Variants in STX6 observed in about 807,000 individuals in gnomAD.
STX6 encodes the protein syntaxin-6.
In STX6, 23 loss-of-function variants were observed where a neutral mutation model predicts 38.0. The observed-to-expected ratio is 0.60, with a 90% CI of 0.43 to 0.86. The LOEUF (loss-of-function observed/expected upper bound fraction) is 0.86, where lower values mean the gene tolerates loss of function less well. Among genes scored for constraint, STX6 ranks in the 40% least tolerant of loss-of-function variants. STX6 has a pLI of 0.00. For missense variants in STX6, 274 were observed against 312.9 expected (o/e 0.88, Z 0.94); for synonymous variants, 123 against 107.5 (o/e 1.14, Z -0.89).
intron 7 of STX6, among the ~76,000 whole-genome samples, chr1:180,983,584 A>C (rs1301623952): frequency 6.6e-6 from 1 of 152,254 alleles, no homozygotes; most frequent in Non-Finnish European, 1.5e-5. Flanking sequence ...TGATTTAAAC[A>C]TAACAATTTA....
Position 181,022,869 on chromosome 1 carries a change from T to A in STX6, c.-196A>T. On this transcript the variant is annotated 5_prime_UTR_variant, in exon 1 of 8. Coordinates refer to ENST00000258301, the MANE Select transcript of STX6 (RefSeq NM_005819.6). ...CACTCGCTCAGCACCACTGGCCGAA[T>A]CCCGGACTCGGGCGCCGGCCCCCTC... 1 of 552,558 alleles carries A rather than the reference T, an allele frequency of 1.8e-6. No homozygotes were observed. Among genetic ancestry groups the A allele is most frequent in the Non-Finnish European group, 3.1e-6 (1 of 319,172 alleles). 34.2% of individuals were successfully genotyped at this position (552,558 alleles called of 1,614,324 possible).
Position 180,991,796 on chromosome 1 carries a change from TAGAG to T in STX6, c.363+1563_363+1566del, listed in dbSNP as rs150718152. On this transcript the variant is annotated intron_variant, in intron 4 of 7. Transcript: ENST00000258301. ...CAAGGCCCATGCCTGCTGGAGTGCT[TAGAG>T]AGCCCTGATCCTGCTATTCCTTGAA... 2.4e-3 allele frequency among the ~76,000 whole-genome samples: 361 copies of T among 152,222 alleles called. 6 individuals are homozygous for T. The highest frequency in any genetic ancestry group is 8.4e-3 in the African/African-American group (348 of 41,536).
chr1:181,020,427 C>T (rs913907460), intron 1 of STX6, among the ~76,000 whole-genome samples: 2 of 152,074 alleles, frequency 1.3e-5, no homozygotes, highest in African/African-American at 4.8e-5. Flanking sequence ...TTCACCTGTT[C>T]CTTTATATTT....
At chr1:180,977,634 T>C (rs541046070) in intron 7 of STX6, among the ~76,000 whole-genome samples, 1 of 152,314 alleles carries the variant, frequency 6.6e-6, no homozygotes, top group African/African-American at 2.4e-5. Flanking sequence ...CACTAGCGTA[T>C]GAAAATGCAG....
Position 180,997,678 on chromosome 1 carries a change from G to A in STX6, c.301-4253C>T, listed in dbSNP as rs1004911333. ...CACCTATTTTTACTCTTTTAATGTG[G>A]CAACTAGAAAACTAAAAATGACCAA... On this transcript the variant is annotated intron_variant, in intron 3 of 7. Coordinates refer to ENST00000258301, the MANE Select transcript of STX6 (RefSeq NM_005819.6). Among the ~76,000 whole-genome samples, 10 of 152,088 alleles carry A rather than the reference G, an allele frequency of 6.6e-5. No homozygotes were observed. In the East Asian group the frequency reaches 1.7e-3, roughly 26 times the overall value.
At chr1:181,003,192 C>G (rs1449559010) in intron 2 of STX6, among the ~76,000 whole-genome samples, 1 of 152,218 alleles carries the variant, frequency 6.6e-6, no homozygotes, top group Admixed American at 6.5e-5. Flanking sequence ...TCCGACGCAC[C>G]ATGTCAGACA....
In STX6 at chr1:180,976,495, A is replaced by G. The variant is rs1655253144; in HGVS notation, c.*75T>C. The G allele has an allele frequency of 7.8e-7, 1 of 1,285,546 alleles. No individual in the cohort carries two copies. Among genetic ancestry groups the G allele is most frequent in the African/African-American group, 1.5e-5 (1 of 68,606 alleles). 79.6% of individuals were successfully genotyped at this position (1,285,546 alleles called of 1,614,324 possible). On this transcript the variant is annotated 3_prime_UTR_variant, in exon 8 of 8. Transcript: ENST00000258301. ...AGGATAGGAATGTGAGTAGACGGCA[A>G]TGTCACACGTGCTCAGCTTCTCCTC...
chr1:181,022,592 C>T, intron 1 of STX6, 47 bp downstream of exon 1: 2 of 1,583,452 alleles, frequency 1.3e-6, no homozygotes, highest in Non-Finnish European at 1.7e-6. Context: ...TGCGGGCAGG[C>T]AGCACCGCCA....
Position 181,002,586 on chromosome 1 carries a change from A to C in STX6, c.300+20T>G. ...TGGCTATTTCTTATACAGATAACACAATAAGATCATATTCCTTACCCTGAC... is the reference window on the plus strand; with the variant it reads ...TGGCTATTTCTTATACAGATAACACCATAAGATCATATTCCTTACCCTGAC... On this transcript the variant is annotated intron_variant, in intron 3 of 7. Coordinates refer to ENST00000258301, the MANE Select transcript of STX6 (RefSeq NM_005819.6). 3 of 1,559,206 alleles carry C rather than the reference A, an allele frequency of 1.9e-6. No homozygotes were observed. The highest frequency in any genetic ancestry group is 2.7e-6 in the Non-Finnish European group (3 of 1,131,310).
chr1:180,985,568 G>A (rs1214389486), intron 6 of STX6, among the ~76,000 whole-genome samples: 3 of 152,176 alleles, frequency 2.0e-5, no homozygotes, highest in South Asian at 2.1e-4. Flanking sequence ...ATGCACACGC[G>A]CATTTCCCCA....
In STX6 at chr1:180,990,113, T is replaced by TG; in HGVS notation, c.364-5dup. 1 of 1,614,086 alleles carries TG rather than the reference T, an allele frequency of 6.2e-7. No individual in the cohort carries two copies. Among genetic ancestry groups the TG allele is most frequent in the Non-Finnish European group, 8.5e-7 (1 of 1,179,992 alleles). On this transcript the variant is annotated splice_region_variant and splice_polypyrimidine_tract_variant and intron_variant, in intron 4 of 7. Coordinates refer to ENST00000258301, the MANE Select transcript of STX6 (RefSeq NM_005819.6). Reference sequence around the variant, plus strand: ...TGCCACTGTCTCCCAGCAGTGCCTGTGTGAGAAGAACAACCAGAGGAGTCA... The same window carrying TG: ...TGCCACTGTCTCCCAGCAGTGCCTGTGGTGAGAAGAACAACCAGAGGAGTCA...
intron 5 of STX6, chr1:180,989,362 G>C (rs1655681934): frequency 6.6e-6 from 1 of 152,018 alleles, no homozygotes; most frequent in African/African-American, 2.4e-5. Context: ...TGGGCGTGGT[G>C]GCGTGCACCT....
intron 6 of STX6, among the ~76,000 whole-genome samples, chr1:180,986,163 A>G (rs1655577470): frequency 1.3e-5 from 2 of 152,208 alleles, no homozygotes; most frequent in African/African-American, 4.8e-5. Flanking sequence ...CCTTCAGTCC[A>G]TGGACACTCA....
chr1:181,020,534 A>G (rs1656696278), intron 1 of STX6, among the ~76,000 whole-genome samples: 1 of 152,228 alleles, frequency 6.6e-6, no homozygotes, highest in African/African-American at 2.4e-5. Flanking sequence ...CAGCTGAAAG[A>G]GGAAATGAGA....
intron 2 of STX6, 121 bp from the exon 3 acceptor site, chr1:181,002,821 T>C (rs1656121495): frequency 6.2e-6 from 4 of 644,350 alleles, no homozygotes; most frequent in Admixed American, 4.9e-5. Flanking sequence ...GAAAACACAG[T>C]CAGCTGGACA....
chr1:180,993,360 C>T lies in STX6; in HGVS notation c.363+3G>A. 1 of 1,519,866 alleles carries T rather than the reference C, an allele frequency of 6.6e-7. No individual in the cohort carries two copies. The highest frequency in any genetic ancestry group is 1.1e-5 in the South Asian group (1 of 88,922). The allele number at this position is 1,519,866 out of a possible 1,614,324, so 94.1% of individuals were successfully genotyped here. Reference sequence around the variant, plus strand: ...TGATAATTATATTCTGATGTTTTCTCACCTGTCTATTTTTTCTTTCAGCTA... The same window carrying T: ...TGATAATTATATTCTGATGTTTTCTTACCTGTCTATTTTTTCTTTCAGCTA... On this transcript the variant is annotated splice_donor_region_variant and intron_variant, in intron 4 of 7. Coordinates refer to ENST00000258301, the MANE Select transcript of STX6 (RefSeq NM_005819.6).
In STX6 at chr1:180,991,296, T is replaced by C. The variant is rs559052186; in HGVS notation, c.364-1187A>G. ...AGTCCAGCTGGATGGTGACTGTCTC[T>C]GGTGTAAAGCAGATCCAAGGCTTTT... On this transcript the variant is annotated intron_variant, in intron 4 of 7. Transcript: ENST00000258301. 6.8e-4 allele frequency among the ~76,000 whole-genome samples: 104 copies of C among 152,314 alleles called. 1 individual carries two copies. The highest frequency in any genetic ancestry group is 2.2e-3 in the African/African-American group (91 of 41,574).
intron 5 of STX6, chr1:180,989,366 TG>T (rs1327807386): frequency 6.6e-6 from 1 of 151,632 alleles, no homozygotes; most frequent in African/African-American, 2.4e-5. Context: ...CGTGGTGGCG[TG>T]CACCTGTAGT....
chr1:180,978,093 G>A lies in STX6; in HGVS notation c.692-1447C>T, dbSNP rs76613516. ...TGACCTGTTTAACTATTACTTCAAT[G>A]GTCAAGAAAACTTTTATAACTGGCA... On this transcript the variant is annotated intron_variant, in intron 7 of 7. Transcript: ENST00000258301. 9.4e-3 allele frequency among the ~76,000 whole-genome samples: 1,438 copies of A among 152,230 alleles called. 24 individuals carry two copies. The highest frequency in any genetic ancestry group is 0.033 in the African/African-American group (1,362 of 41,524).
Sources: gnomAD v4.1 joint callset for allele counts (sites outside exome capture counted in the v4.1 genomes callset) on GRCh38, gnomAD v4.1.1 for gene constraint, MANE v1.5 for transcripts, NCBI Gene and HGNC (gene_info 2026-07-23, HGNC 2026-07-21) for gene names.